Variants in HOOK2 observed in about 807,000 individuals in gnomAD.
The protein encoded by HOOK2 is protein Hook homolog 2.
HOOK2 carries 108 observed loss-of-function variants against 111.9 expected under a neutral mutation model. That is an observed-to-expected ratio of 0.96 (90% CI 0.83 to 1.13). The LOEUF is 1.13. Ranked by LOEUF, HOOK2 falls within the 50% of genes most tolerant of loss-of-function variation. HOOK2 has a pLI of 0.00. For missense variants in HOOK2, 978 were observed against 951.3 expected (o/e 1.03, Z -0.37); for synonymous variants, 405 against 394.3 (o/e 1.03, Z -0.32).
chr19:12,764,759 C>T (rs1393680991), intron 20 of HOOK2, 55 bp downstream of exon 20: 2 of 1,491,316 alleles, frequency 1.3e-6, no homozygotes, highest in African/African-American at 1.4e-5. Context: ...CAATAGGAGG[C>T]ACAAAAAGTA....
rs942920987 is a variant in HOOK2, at chr19:12,764,849, C to T, written c.1792G>A (p.Glu598Lys). ...TTGTCCACGTAGCGGCGGTATCGCT[C>T]CTCCATGGCCCGCAAGTCCGCGTCC... Reference protein sequence around the residue: ...KKDADLRAMEERYRRYVDKAR... With the variant: ...KKDADLRAMEKRYRRYVDKAR... Residue 598 changes from glutamate (E) to lysine (K), a missense_variant, in exon 20 of 23, where the codon GAG becomes AAG. Transcript: ENST00000397668. The T allele has an allele frequency of 5.6e-6, 9 of 1,614,054 alleles. No individual in the cohort carries two copies. Among genetic ancestry groups the T allele is most frequent in the Non-Finnish European group, 7.6e-6 (9 of 1,180,044 alleles).
chr19:12,786,980 C>CTGT lies in HOOK2; in HGVS notation n.42-12756_42-12755insACA, dbSNP rs1368287411. ...GCCAGGACTTCCAGACCAGCCTAGG[C>CTGT]AACAGAATGAGACCCTGTCTCAATA... On this transcript the variant is annotated intron_variant and non_coding_transcript_variant, in intron 3 of 3. Transcript: ENST00000589765. This position sits in a 1 kb window ranked among gnomAD's most constrained non-coding sequence, Gnocchi z 4.3. 2.0e-5 allele frequency: 3 copies of CTGT among 152,254 alleles called. No homozygotes were observed. Among genetic ancestry groups the CTGT allele is most frequent in the Non-Finnish European group, 4.4e-5 (3 of 68,108 alleles). 9.4% of individuals were successfully genotyped at this position (152,254 alleles called of 1,614,324 possible). A position where few individuals can be genotyped will look rare whatever the true frequency, so the allele number is the denominator to read the frequency against.
In HOOK2 at chr19:12,765,053, A is replaced by G. The variant is rs1968108039; in HGVS notation, c.1669T>C (p.Leu557=). Residue 557 remains leucine (L), a synonymous_variant, in exon 19 of 23, where the codon TTG becomes CTG. Transcript: ENST00000397668. ...LQKLHEADLE[L]QRKREYIEEL... ...TCAATGTACTCCCGCTTCCTCTGCA[A>G]CTCCAGATCTGCCTCATGAAGCTTC... The G allele has an allele frequency of 1.9e-6, 3 of 1,613,594 alleles. No homozygotes were observed. The highest frequency in any genetic ancestry group is 2.5e-6 in the Non-Finnish European group (3 of 1,179,872).
upstream of HOOK2, chr19:12,775,694 C>T: frequency 2.7e-6 from 1 of 376,512 alleles, no homozygotes; most frequent in East Asian, 4.5e-5. Context: ...CGTTCGGGCG[C>T]CCGCCCTGCC....
At chr19:12,769,806 G>A (rs1002749730) in intron 11 of HOOK2, 75 bp downstream of exon 11, 1 of 1,223,284 alleles carries the variant, frequency 8.2e-7, no homozygotes, top group African/African-American at 1.6e-5. Context: ...ATCAGGGGTG[G>A]GCGGAGGGCT....
intron 3 of HOOK2, chr19:12,792,163 A>G: frequency 6.3e-7 from 1 of 1,593,478 alleles, no homozygotes; most frequent in Non-Finnish European, 8.5e-7. Context: ...GTCACCGAGG[A>G]GCAGGAGGGC....
chr19:12,782,202 C>T (rs896683621), upstream of HOOK2, among the ~76,000 whole-genome samples: 2 of 152,200 alleles, frequency 1.3e-5, no homozygotes, highest in African/African-American at 4.8e-5. Context: ...CTGCCACCTA[C>T]CTATGTATGA....
At chr19:12,789,734 T>C (rs1968687845) in intron 3 of HOOK2, among the ~76,000 whole-genome samples, 1 of 150,646 alleles carries the variant, frequency 6.6e-6, no homozygotes, top group Non-Finnish European at 1.5e-5. Flanking sequence ...CGGGCTGGGT[T>C]GGGCCAGGCC....
chr19:12,791,232 GC>G lies in HOOK2; in HGVS notation n.42-17008del, dbSNP rs1450069359. Among the ~76,000 whole-genome samples the G allele has an allele frequency of 6.6e-6, 1 of 152,138 alleles. No individual in the cohort carries two copies. Among genetic ancestry groups the G allele is most frequent in the African/African-American group, 2.4e-5 (1 of 41,440 alleles). On this transcript the variant is annotated intron_variant and non_coding_transcript_variant, in intron 3 of 3. Transcript: ENST00000589765. The surrounding 1 kb of genome is among the most constrained non-coding windows in gnomAD (Gnocchi z 7.0). ...TGAAACCCCTCACTCATGTGCCTGG[GC>G]CCCCCAGCACCTCCTTCCATGCGTA...
At position 12,763,745 on chromosome 19, in the gene HOOK2, C is replaced by T. The variant is rs768567940; in HGVS notation, c.1861G>A (p.Ala621Thr). 1.9e-6 allele frequency: 3 copies of T among 1,614,070 alleles called. No homozygotes were observed. Residue 621 changes from alanine (A) to threonine (T), a missense_variant, in exon 21 of 23, where the codon GCT becomes ACT. By Grantham distance (58) the Ala-to-Thr change is moderately conservative (BLOSUM62 0). Transcript: ENST00000397668. The stretch of plus-strand genomic sequence containing the variant: ...TGGAGTTCTGGAGGTGCCCCCGCAG[C>T]TGGCCGCTGCTTGGGTTCCATGGTC... ...MQTMEPKQRP[A>T]AGAPPELHSL...
chr19:12,766,776 G>T (rs1968165177), intron 14 of HOOK2, among the ~76,000 whole-genome samples: 1 of 152,146 alleles, frequency 6.6e-6, no homozygotes, highest in Admixed American at 6.5e-5. Context: ...GTAGAGACGG[G>T]GTTTCACCGT....
Position 12,763,134 on chromosome 19 carries a change from CT to C in HOOK2, c.*147del. On this transcript the variant is annotated 3_prime_UTR_variant, in exon 23 of 23. Coordinates refer to ENST00000397668, the MANE Select transcript of HOOK2 (RefSeq NM_013312.3). ...AACAGGCCTATATCTACCTCCCGCC[CT>C]CCCTCCCCACCAATCTGGGAGAGGG... 1.0e-5 allele frequency: 6 copies of C among 577,208 alleles called. No homozygotes were observed. The highest frequency in any genetic ancestry group is 3.8e-5 in the African/African-American group (2 of 52,384). The allele number at this position is 577,208 out of a possible 1,614,324, so 35.8% of individuals were successfully genotyped here.
At chr19:12,773,420 T>G (rs1225206790) in intron 3 of HOOK2, among the ~76,000 whole-genome samples, 1 of 151,960 alleles carries the variant, frequency 6.6e-6, no homozygotes, top group Non-Finnish European at 1.5e-5. Context: ...GACTACTTTT[T>G]TTTATTTGTA....
At chr19:12,783,124 C>G (rs1968623496), upstream of HOOK2, among the ~76,000 whole-genome samples, 1 of 152,102 alleles carries the variant, frequency 6.6e-6, no homozygotes, top group Non-Finnish European at 1.5e-5. Context: ...GCCCCCGTGA[C>G]TCACCCCTCC....
chr19:12,763,131 G>A lies in HOOK2; in HGVS notation c.*151C>T, dbSNP rs908200409. On this transcript the variant is annotated 3_prime_UTR_variant, in exon 23 of 23. Coordinates refer to ENST00000397668, the MANE Select transcript of HOOK2 (RefSeq NM_013312.3). ...AAGAACAGGCCTATATCTACCTCCC[G>A]CCCTCCCTCCCCACCAATCTGGGAG... 50 of 394,756 alleles carry A rather than the reference G, an allele frequency of 1.3e-4. No individual in the cohort carries two copies. Among genetic ancestry groups the A allele is most frequent in the East Asian group, 5.5e-4 (9 of 16,476 alleles). The allele number at this position is 394,756 out of a possible 1,614,324, so 24.5% of individuals were successfully genotyped here.
upstream of HOOK2, among the ~76,000 whole-genome samples, chr19:12,782,509 G>A (rs1397145402): frequency 1.3e-5 from 2 of 152,264 alleles, no homozygotes; most frequent in Non-Finnish European, 2.9e-5. Context: ...TCCCCTCCGG[G>A]AGGCGCCCTC....
chr19:12,773,170 T>G, intron 3 of HOOK2, 126 bp from the exon 4 acceptor site: 1 of 878,432 alleles, frequency 1.1e-6, no homozygotes, highest in Non-Finnish European at 1.9e-6. Context: ...TGCGTGCGCC[T>G]TCCTCTAGGG....
rs771735997 is a variant in HOOK2 at position 12,792,128 on chromosome 19, A to G, written n.42-17903T>C. On this transcript the variant is annotated intron_variant and non_coding_transcript_variant, in intron 3 of 3. Transcript: ENST00000589765. ...ACCCCCGCGGGGGTGGCAGCGGTGG[A>G]GGTGCAGGGGGCGCAGGGGGCGGCG... is the stretch of plus-strand genomic sequence containing the variant. 73 of 1,599,034 alleles carry G rather than the reference A, an allele frequency of 4.6e-5. No individual in the cohort carries two copies. In the East Asian group the frequency reaches 6.5e-4, roughly 14 times the overall value.
Position 12,791,903 on chromosome 19 carries a change from C to T in HOOK2, n.42-17678G>A. 1.2e-6 allele frequency: 2 copies of T among 1,613,268 alleles called. No individual in the cohort carries two copies. Among genetic ancestry groups the T allele is most frequent in the Non-Finnish European group, 1.7e-6 (2 of 1,179,862 alleles). ...AACCGAGCCTGGCGGTCAACCTGGC[C>T]GACCCCTACCGGAGTCTCAAAGCGC... On this transcript the variant is annotated intron_variant and non_coding_transcript_variant, in intron 3 of 3. Transcript: ENST00000589765. This position sits in a 1 kb window ranked among gnomAD's most constrained non-coding sequence, Gnocchi z 7.0.
Sources: allele counts gnomAD v4.1 joint callset (sites outside exome capture counted in the v4.1 genomes callset), GRCh38; gene constraint gnomAD v4.1.1; non-coding constraint Gnocchi (gnomAD v3.1); transcripts MANE v1.5; gene names NCBI Gene and HGNC (gene_info 2026-07-23, HGNC 2026-07-21).